The following CEP43 variants were observed in gnomAD, a reference collection of about 807,000 sequenced individuals.
CEP43 encodes the protein centrosomal protein 43, also known as FGFR1 oncogene partner.
Under a neutral mutation model 52.6 loss-of-function variants are expected in CEP43, and 36 were observed. The ratio of observed to expected loss-of-function variants is 0.68; its 90% CI spans 0.52 to 0.90. The LOEUF is 0.90. Among genes scored for constraint, CEP43 ranks in the 40% least tolerant of loss-of-function variants. CEP43 has a pLI of 0.00. For missense variants in CEP43, 506 were observed against 472.8 expected (o/e 1.07, Z -0.65); for synonymous variants, 192 against 172.4 (o/e 1.11, Z -0.89).
At chr6:167,015,847 T>C (rs1436368520) in intron 7 of CEP43, among the ~76,000 whole-genome samples, 1 of 152,220 alleles carries the variant, frequency 6.6e-6, no homozygotes, top group Non-Finnish European at 1.5e-5. Context: ...GAAGTTCTTA[T>C]TTTTGTTGTT....
In CEP43 at chr6:167,052,529, G is replaced by A. The variant is rs1780883433; in HGVS notation, c.*12551G>A. On this transcript the variant is annotated 3_prime_UTR_variant, in exon 13 of 13. Coordinates refer to ENST00000366847, the MANE Select transcript of CEP43 (RefSeq NM_007045.4). ...CAGTGTATCCTGGAGGACATCCCTT[G>A]CCTTTCACCAAGTGACCCTATACTG... is the stretch of plus-strand genomic sequence containing the variant. 1 of 152,100 alleles carries A rather than the reference G, an allele frequency of 6.6e-6. No individual in the cohort carries two copies. Among genetic ancestry groups the A allele is most frequent in the Non-Finnish European group, 1.5e-5 (1 of 68,028 alleles). The allele number at this position is 152,100 out of a possible 1,614,324, so 9.4% of individuals were successfully genotyped here. A position where few individuals can be genotyped will look rare whatever the true frequency, so the allele number is the denominator to read the frequency against.
rs895118638 is a variant in CEP43, at chr6:167,042,945, G to C, written c.*2967G>C. On this transcript the variant is annotated 3_prime_UTR_variant, in exon 13 of 13. Transcript: ENST00000366847. ...TTGGCATCTTTGGGGCTGTAAACAG[G>C]CTTGAGCACTGACATGGGGCCTGGA... 6.6e-6 allele frequency: 1 copy of C among 152,220 alleles called. No individual in the cohort carries two copies. Among genetic ancestry groups the C allele is most frequent in the Non-Finnish European group, 1.5e-5 (1 of 68,214 alleles). 9.4% of individuals were successfully genotyped at this position (152,220 alleles called of 1,614,324 possible). A position where few individuals can be genotyped will look rare whatever the true frequency, so the allele number is the denominator to read the frequency against.
Position 167,047,557 on chromosome 6 carries a change from A to G in CEP43, c.*7579A>G, listed in dbSNP as rs549099825. On this transcript the variant is annotated 3_prime_UTR_variant, in exon 13 of 13. Coordinates refer to ENST00000366847, the MANE Select transcript of CEP43 (RefSeq NM_007045.4). ...TACTCAGTAAATACTATTTTTATTAAGAAGGTAAGATTCACAGGACTTAGT... is the reference window on the plus strand; with the variant it reads ...TACTCAGTAAATACTATTTTTATTAGGAAGGTAAGATTCACAGGACTTAGT... 2 of 152,288 alleles carry G rather than the reference A, an allele frequency of 1.3e-5. No homozygotes were observed. Among genetic ancestry groups the G allele is most frequent in the East Asian group, 3.9e-4 (2 of 5,186 alleles). 9.4% of individuals were successfully genotyped at this position (152,288 alleles called of 1,614,324 possible). A position where few individuals can be genotyped will look rare whatever the true frequency, so the allele number is the denominator to read the frequency against.
rs184929237 is a variant in CEP43 at position 167,020,272 on chromosome 6, A to G, written c.580-2137A>G. Among the ~76,000 whole-genome samples the G allele has an allele frequency of 3.4e-3, 514 of 152,352 alleles. 3 individuals are homozygous for G. Among genetic ancestry groups the G allele is most frequent in the Non-Finnish European group, 5.7e-3 (390 of 68,032 alleles). ...ATAATCATTAATTTATATTAATAACATGGAATGTGTAGCTCTCTAGAAGGC... is the reference window on the plus strand; with the variant it reads ...ATAATCATTAATTTATATTAATAACGTGGAATGTGTAGCTCTCTAGAAGGC... On this transcript the variant is annotated intron_variant, in intron 7 of 12. Transcript: ENST00000366847.
At chr6:167,020,479 C>T (rs1007446628) in intron 7 of CEP43, among the ~76,000 whole-genome samples, 1 of 152,218 alleles carries the variant, frequency 6.6e-6, no homozygotes, top group Non-Finnish European at 1.5e-5. Context: ...CTTTGGTCAC[C>T]ATGCTTCAGT....
Position 167,043,638 on chromosome 6 carries a change from C to T in CEP43, c.*3660C>T, listed in dbSNP as rs1346052091. The T allele has an allele frequency of 2.0e-5, 3 of 152,184 alleles. No individual in the cohort carries two copies. Among genetic ancestry groups the T allele is most frequent in the African/African-American group, 7.2e-5 (3 of 41,410 alleles). 9.4% of individuals were successfully genotyped at this position (152,184 alleles called of 1,614,324 possible). A position where few individuals can be genotyped will look rare whatever the true frequency, so the allele number is the denominator to read the frequency against. On this transcript the variant is annotated 3_prime_UTR_variant, in exon 13 of 13. Coordinates refer to ENST00000366847, the MANE Select transcript of CEP43 (RefSeq NM_007045.4). ...CCTCAGGTGATCCACCCGCCTCAGC[C>T]TCCCAAAGTGCTGGGAATACAGGTG...
chr6:167,036,024 A>T, intron 12 of CEP43: 2 of 979,830 alleles, frequency 2.0e-6, no homozygotes, highest in Non-Finnish European at 2.4e-6. Flanking sequence ...TTGTAGTCAC[A>T]ATAGACATTT....
chr6:167,040,968 T>C lies in CEP43; in HGVS notation c.*990T>C. On this transcript the variant is annotated 3_prime_UTR_variant, in exon 13 of 13. Coordinates refer to ENST00000366847, the MANE Select transcript of CEP43 (RefSeq NM_007045.4). ...TACGGTTAAAGCATTATTGCTATTATGTAGGTCACGGATGTTTATAATACT... is the reference window on the plus strand; with the variant it reads ...TACGGTTAAAGCATTATTGCTATTACGTAGGTCACGGATGTTTATAATACT... 9.7e-7 allele frequency: 1 copy of C among 1,025,920 alleles called. No homozygotes were observed. The highest frequency in any genetic ancestry group is 1.7e-5 in the African/African-American group (1 of 59,200). 63.6% of individuals were successfully genotyped at this position (1,025,920 alleles called of 1,614,324 possible).
chr6:167,027,855 C>T, intron 10 of CEP43: 1 of 985,440 alleles, frequency 1.0e-6, no homozygotes, highest in Non-Finnish European at 1.2e-6. Context: ...TTACTTTTCC[C>T]CCCATTTGCA....
intron 7 of CEP43, among the ~76,000 whole-genome samples, chr6:167,019,569 T>A (rs887607088): frequency 6.6e-6 from 1 of 152,248 alleles, no homozygotes; most frequent in Non-Finnish European, 1.5e-5. Context: ...AGAACTAGAT[T>A]TTGAGAGCAG....
rs947713607 is a variant in CEP43 at position 167,040,396 on chromosome 6, C to T, written c.*418C>T. ...GCCCTCTGGAATCAGAGCTTACCCACCATAGTATATTTTGATATTAGGTGG... is the reference window on the plus strand; with the variant it reads ...GCCCTCTGGAATCAGAGCTTACCCATCATAGTATATTTTGATATTAGGTGG... On this transcript the variant is annotated 3_prime_UTR_variant, in exon 13 of 13. Coordinates refer to ENST00000366847, the MANE Select transcript of CEP43 (RefSeq NM_007045.4). The T allele has an allele frequency of 2.4e-5, 32 of 1,322,546 alleles. No individual in the cohort carries two copies. In the South Asian group the frequency reaches 5.7e-4, roughly 24 times the overall value. 81.9% of individuals were successfully genotyped at this position (1,322,546 alleles called of 1,614,324 possible). A position where few individuals can be genotyped will look rare whatever the true frequency, so the allele number is the denominator to read the frequency against.
Position 167,041,157 on chromosome 6 carries a change from C to T in CEP43, c.*1179C>T. 1 of 1,044,976 alleles carries T rather than the reference C, an allele frequency of 9.6e-7. No individual in the cohort carries two copies. 64.7% of individuals were successfully genotyped at this position (1,044,976 alleles called of 1,614,324 possible). A position where few individuals can be genotyped will look rare whatever the true frequency, so the allele number is the denominator to read the frequency against. On this transcript the variant is annotated 3_prime_UTR_variant, in exon 13 of 13. Transcript: ENST00000366847. ...TATTAGTAAAAGGAGCAAATTAGAC[C>T]TAATTCATTGATCTCGGTTAAGTGA... is the stretch of plus-strand genomic sequence containing the variant.
At chr6:167,036,535 G>A in intron 12 of CEP43, 1 of 985,402 alleles carries the variant, frequency 1.0e-6, no homozygotes, top group South Asian at 4.7e-5. Context: ...GTGCATCCCA[G>A]GTTTCTGTTA....
In CEP43 at chr6:167,026,442, C is replaced by T. The variant is rs977450035; in HGVS notation, c.920-105C>T. 5.3e-5 allele frequency: 38 copies of T among 723,692 alleles called. No homozygotes were observed. In the African/African-American group the frequency reaches 6.5e-4, roughly 12 times the overall value. The allele number at this position is 723,692 out of a possible 1,614,324, so 44.8% of individuals were successfully genotyped here. ...TTCCTTAGTTTTAGGTTATTATGCT[C>T]CTGTCATAAAGAAGCCCCATATTGA... On this transcript the variant is annotated intron_variant, in intron 9 of 12. Transcript: ENST00000366847.
At chr6:167,023,844 G>A (rs1212008909) in intron 8 of CEP43, among the ~76,000 whole-genome samples, 1 of 152,152 alleles carries the variant, frequency 6.6e-6, no homozygotes, top group Non-Finnish European at 1.5e-5. Flanking sequence ...GAATGGGGGT[G>A]CGAGGCAGGT....
At chr6:167,036,656 TG>T in intron 12 of CEP43, 2 of 985,138 alleles carry the variant, frequency 2.0e-6, no homozygotes, top group Non-Finnish European at 2.4e-6. Flanking sequence ...AGGGATCCTT[TG>T]TTTCCCTTTC....
At chr6:167,019,848 C>A (rs1378085289) in intron 7 of CEP43, among the ~76,000 whole-genome samples, 1 of 151,864 alleles carries the variant, frequency 6.6e-6, no homozygotes, top group Non-Finnish European at 1.5e-5. Flanking sequence ...AGTGTGAATT[C>A]TTGGGGAAAT....
intron 5 of CEP43, among the ~76,000 whole-genome samples, chr6:167,006,580 T>G (rs373792734): frequency 1.8e-5 from 1 of 55,378 alleles, no homozygotes; most frequent in African/African-American, 5.7e-5. Context: ...AGAAAACTAT[T>G]TATATAGCAT....
In CEP43 at chr6:167,046,203, CA is replaced by C. The variant is rs201851004; in HGVS notation, c.*6227del. On this transcript the variant is annotated 3_prime_UTR_variant, in exon 13 of 13. Transcript: ENST00000366847. ...ATATCTGAGCGTGAATTACATTCTC[CA>C]ATATTTTTATTTGTCATGATTTATT... The C allele has an allele frequency of 7.8e-6, 1 of 128,078 alleles. No homozygotes were observed. The highest frequency in any genetic ancestry group is 2.3e-4 in the East Asian group (1 of 4,406). The allele number at this position is 128,078 out of a possible 1,614,324, so 7.9% of individuals were successfully genotyped here.
Sources: allele counts gnomAD v4.1 joint callset (sites outside exome capture counted in the v4.1 genomes callset), GRCh38; gene constraint gnomAD v4.1.1; transcripts MANE v1.5; gene names NCBI Gene and HGNC (gene_info 2026-07-23, HGNC 2026-07-21).